Variants in KAZN observed in about 807,000 individuals in gnomAD.
The protein encoded by KAZN is kazrin.
KAZN carries 40 observed loss-of-function variants against 87.4 expected under a neutral mutation model. The ratio of observed to expected loss-of-function variants is 0.46; its 90% CI spans 0.36 to 0.60. The LOEUF (loss-of-function observed/expected upper bound fraction) is 0.60. Ranked by LOEUF, KAZN falls within the 20% of genes least tolerant of loss-of-function variation. The pLI, the probability that KAZN is intolerant of heterozygous loss-of-function variation, is 0.00. For synonymous variants in KAZN, 466 were observed against 458.3 expected, an observed-to-expected ratio of 1.02 and a Z score of -0.22; for missense variants, 898 against 1,073.9, an observed-to-expected ratio of 0.84 and a Z score of 2.29.
At chr1:14,519,571 A>G (rs759161454) in intron 2 of KAZN, among the ~76,000 whole-genome samples, 5 of 152,088 alleles carry the variant, frequency 3.3e-5, no homozygotes, top group Non-Finnish European at 7.3e-5. Flanking sequence ...GACCTGGGAG[A>G]AAGAAAGTCC....
At chr1:14,502,156 C>A (rs572813528) in intron 2 of KAZN, among the ~76,000 whole-genome samples, 5 of 151,470 alleles carry the variant, frequency 3.3e-5, no homozygotes, top group Non-Finnish European at 7.4e-5. Context: ...TTTTAATGTC[C>A]CCTGAGAGCC....
chr1:14,707,939 A>G (rs930024963), intron 1 of KAZN, among the ~76,000 whole-genome samples: 1 of 152,124 alleles, frequency 6.6e-6, no homozygotes, highest in African/African-American at 2.4e-5. Flanking sequence ...TCCTTCCTTC[A>G]CGGAGTTTGC....
At chr1:14,964,612 G>A (rs1326714593) in intron 2 of KAZN, among the ~76,000 whole-genome samples, 1 of 152,142 alleles carries the variant, frequency 6.6e-6, no homozygotes, top group African/African-American at 2.4e-5. Flanking sequence ...GCATGGAAAG[G>A]GATTTATATG....
At chr1:14,090,262 C>T (rs1395694178) in intron 1 of KAZN, among the ~76,000 whole-genome samples, 1 of 152,106 alleles carries the variant, frequency 6.6e-6, no homozygotes. Context: ...TGTTGGGCCA[C>T]TTGATATTGT....
At chr1:14,155,990 CTT>C (rs1468592833) in intron 1 of KAZN, among the ~76,000 whole-genome samples, 3 of 152,116 alleles carry the variant, frequency 2.0e-5, no homozygotes, top group Non-Finnish European at 4.4e-5. Context: ...AAACTTCCCT[CTT>C]AGTACTACTT....
chr1:14,596,320 AC>A (rs1180029573), upstream of KAZN, among the ~76,000 whole-genome samples: 61 of 152,238 alleles, frequency 4.0e-4, no homozygotes, highest in African/African-American at 1.1e-3. Context: ...ACACACACAC[AC>A]ACACACACAC....
At position 15,099,398 on chromosome 1, in the gene KAZN, T is replaced by C. The variant is rs574235071; in HGVS notation, c.1548-2145T>C. On this transcript the variant is annotated intron_variant, in intron 10 of 14. Coordinates refer to ENST00000376030, the MANE Select transcript of KAZN (RefSeq NM_201628.3). The surrounding 1 kb of genome is among the most constrained non-coding windows in gnomAD (Gnocchi z 5.4). ...CAATTGCTTAGGTTCAGTATGTGAT[T>C]AGAGCTTTGAAGGAAAGCACTAGGG... Among the ~76,000 whole-genome samples the C allele has an allele frequency of 2.0e-5, 3 of 152,312 alleles. No individual in the cohort carries two copies. The highest frequency in any genetic ancestry group is 7.2e-5 in the African/African-American group (3 of 41,572).
At chr1:15,055,620 A>T (rs765867591) in intron 4 of KAZN, among the ~76,000 whole-genome samples, 1 of 152,216 alleles carries the variant, frequency 6.6e-6, no homozygotes, top group South Asian at 2.1e-4. Flanking sequence ...ACTGGGTTCA[A>T]ACTTCACTTC....
At chr1:14,222,283 G>A (rs548916005) in intron 2 of KAZN, among the ~76,000 whole-genome samples, 117 of 152,280 alleles carry the variant, frequency 7.7e-4, no homozygotes, top group African/African-American at 2.7e-3. Context: ...GGCCATGCCC[G>A]TGGGGAACTG....
chr1:14,466,457 A>G (rs1229280313), intron 2 of KAZN, among the ~76,000 whole-genome samples: 1 of 152,102 alleles, frequency 6.6e-6, no homozygotes, highest in Non-Finnish European at 1.5e-5. Flanking sequence ...GAATGCATGG[A>G]CACAGGGAGG....
chr1:14,524,633 C>T (rs1671770064), intron 2 of KAZN, among the ~76,000 whole-genome samples: 1 of 152,174 alleles, frequency 6.6e-6, no homozygotes, highest in Non-Finnish European at 1.5e-5. Context: ...ATTTAACCCC[C>T]CAGGCATGTC....
At chr1:14,017,004 T>C (rs1640601891) in intron 1 of KAZN, among the ~76,000 whole-genome samples, 1 of 152,222 alleles carries the variant, frequency 6.6e-6, no homozygotes, top group Non-Finnish European at 1.5e-5. Flanking sequence ...TTGTCTCTTA[T>C]AGGTTCTTCG....
chr1:14,733,228 T>G (rs966374079), intron 1 of KAZN, among the ~76,000 whole-genome samples: 5 of 152,152 alleles, frequency 3.3e-5, no homozygotes, highest in African/African-American at 1.2e-4. Context: ...GATTGCAGAA[T>G]TCTCGCATGT....
At chr1:15,106,548 A>G (rs1258237454) in intron 13 of KAZN, among the ~76,000 whole-genome samples, 1 of 152,118 alleles carries the variant, frequency 6.6e-6, no homozygotes. Context: ...CAGAGAAGGG[A>G]CTGGTGGGGA....
At chr1:14,320,068 G>A (rs1359101943) in intron 2 of KAZN, among the ~76,000 whole-genome samples, 3 of 152,122 alleles carry the variant, frequency 2.0e-5, no homozygotes, top group Non-Finnish European at 4.4e-5. Flanking sequence ...AACTATTCTT[G>A]TATTATCTCT....
chr1:14,311,762 A>G (rs1214578057), intron 2 of KAZN, among the ~76,000 whole-genome samples: 1 of 152,080 alleles, frequency 6.6e-6, no homozygotes, highest in Non-Finnish European at 1.5e-5. Context: ...GGATAAATGG[A>G]TGGGTGGATG....
At chr1:14,364,756 T>C (rs1659826698) in intron 2 of KAZN, among the ~76,000 whole-genome samples, 2 of 152,232 alleles carry the variant, frequency 1.3e-5, no homozygotes, top group Non-Finnish European at 2.9e-5. Flanking sequence ...ACATGCTTCA[T>C]CTGAAGCTTC....
chr1:14,559,926 AG>A (rs1431128107), intron 2 of KAZN, among the ~76,000 whole-genome samples: 1 of 152,210 alleles, frequency 6.6e-6, no homozygotes, highest in African/African-American at 2.4e-5. Context: ...GGGCTGGTTC[AG>A]GGCCACATTT....
chr1:14,829,949 G>GC (rs1647007522), intron 1 of KAZN, among the ~76,000 whole-genome samples: 2 of 152,342 alleles, frequency 1.3e-5, no homozygotes, highest in South Asian at 4.1e-4. Flanking sequence ...CTAGCCACTA[G>GC]CCCCCACTAG....
Sources: allele counts gnomAD v4.1 joint callset (sites outside exome capture counted in the v4.1 genomes callset), GRCh38; gene constraint gnomAD v4.1.1; non-coding constraint Gnocchi (gnomAD v3.1); transcripts MANE v1.5; gene names NCBI Gene and HGNC (gene_info 2026-07-23, HGNC 2026-07-21).